The following MCC variants were observed in gnomAD, a reference collection of about 807,000 sequenced individuals.
The protein encoded by MCC is colorectal mutant cancer protein.
A neutral mutation model predicts 116.2 loss-of-function variants in MCC; 90 were observed. The ratio of observed to expected loss-of-function variants is 0.77; its 90% CI spans 0.65 to 0.92. The LOEUF is 0.92. Among genes scored for constraint, MCC ranks in the 40% least tolerant of loss-of-function variants. The pLI is 0.00. For synonymous variants in MCC, 578 were observed against 510.5 expected (o/e 1.13, Z -1.78); for missense variants, 1,516 against 1,312.2 (o/e 1.16, Z -2.40).
chr5:113,114,707 A>C (rs571019053), intron 6 of MCC, among the ~76,000 whole-genome samples: 2 of 152,146 alleles, frequency 1.3e-5, no homozygotes, highest in Non-Finnish European at 2.9e-5. Context: ...TTGACTTCAG[A>C]GCGATGGCTT....
intron 3 of MCC, among the ~76,000 whole-genome samples, chr5:113,161,567 A>C (rs1270065160): frequency 1.3e-5 from 2 of 151,982 alleles, no homozygotes; most frequent in Non-Finnish European, 2.9e-5. Context: ...CTAGATTTTA[A>C]TGGATTAAGG....
At chr5:113,183,923 C>T (rs532583659) in intron 3 of MCC, among the ~76,000 whole-genome samples, 59 of 151,578 alleles carry the variant, frequency 3.9e-4, no homozygotes, top group African/African-American at 1.2e-3. Context: ...CCCATCTTCA[C>T]AATTCCCCAT....
Position 113,104,194 on chromosome 5 carries a change from T to G in MCC, c.1189A>C (p.Lys397Gln). 6.2e-7 allele frequency: 1 copy of G among 1,609,836 alleles called. No homozygotes were observed. Among genetic ancestry groups the G allele is most frequent in the Non-Finnish European group, 8.5e-7 (1 of 1,177,310 alleles). Residue 397 changes from lysine to glutamine, a missense_variant and splice_region_variant, in exon 7 of 19, where the codon AAG becomes CAG. By Grantham distance (53) the Lys-to-Gln change is moderately conservative. Coordinates refer to ENST00000408903, the MANE Select transcript of MCC (RefSeq NM_001085377.2). ...TASEHCDLAI[K>Q]TVEEIEGVLG... ...CACAGAGGGTGAGGAAGGTCTACCTTAATAGCCAGGTCACAGTGCTCGCTG... is the reference window on the plus strand; with the variant it reads ...CACAGAGGGTGAGGAAGGTCTACCTGAATAGCCAGGTCACAGTGCTCGCTG...
intron 1 of MCC, among the ~76,000 whole-genome samples, chr5:113,417,381 C>T (rs1291002125): frequency 6.6e-6 from 1 of 152,164 alleles, no homozygotes; most frequent in Non-Finnish European, 1.5e-5. Context: ...AGCAGAGCTG[C>T]TTGTTACTAA....
chr5:113,083,156 T>C, intron 10 of MCC, 148 bp from the exon 11 acceptor site: 2 of 683,072 alleles, frequency 2.9e-6, no homozygotes, highest in East Asian at 2.8e-5. Context: ...TAGGATAGAA[T>C]CCTAGTATGA....
intron 15 of MCC, among the ~76,000 whole-genome samples, chr5:113,051,548 G>A (rs1191067856): frequency 1.3e-5 from 2 of 152,068 alleles, no homozygotes; most frequent in African/African-American, 2.4e-5. Context: ...GTGAGACCCT[G>A]TTTCTACAAA....
chr5:113,192,309 A>AAAG (rs1481487812), intron 3 of MCC, among the ~76,000 whole-genome samples: 12 of 152,226 alleles, frequency 7.9e-5, no homozygotes, highest in African/African-American at 2.4e-4. Context: ...TCCCTTCAGA[A>AAAG]AAGAACATTC....
rs572813136 is a variant in MCC at position 113,261,491 on chromosome 5, G to C, written c.627+79028C>G. On this transcript the variant is annotated intron_variant, in intron 3 of 18. Coordinates refer to ENST00000408903, the MANE Select transcript of MCC (RefSeq NM_001085377.2). ...CTTTTCCTGAACTTCTTCTGTATTA[G>C]ACAAAATAGCCATAAAACCAAACCC... is the stretch of plus-strand genomic sequence containing the variant. Among the ~76,000 whole-genome samples, 5 of 152,128 alleles carry C rather than the reference G, an allele frequency of 3.3e-5. No individual in the cohort carries two copies. In the East Asian group the frequency reaches 9.6e-4, roughly 29 times the overall value.
At chr5:113,429,323 A>ATT (rs2150410146) in intron 1 of MCC, among the ~76,000 whole-genome samples, 1 of 152,302 alleles carries the variant, frequency 6.6e-6, no homozygotes, top group Non-Finnish European at 1.5e-5. Flanking sequence ...GTGAGGGCAC[A>ATT]GGGAGAAGGT....
intron 3 of MCC, among the ~76,000 whole-genome samples, chr5:113,176,899 G>C (rs1380834187): frequency 1.3e-5 from 2 of 152,072 alleles, no homozygotes; most frequent in Non-Finnish European, 2.9e-5. Context: ...TAGATTGCAG[G>C]AACAGTGTCT....
intron 5 of MCC, among the ~76,000 whole-genome samples, chr5:113,141,381 A>G (rs532823334): frequency 5.9e-5 from 9 of 152,356 alleles, no homozygotes; most frequent in African/African-American, 2.2e-4. Context: ...GAAACTTCTC[A>G]GACTCCATAA....
At chr5:113,296,124 C>A (rs1197989996) in intron 3 of MCC, among the ~76,000 whole-genome samples, 1 of 152,114 alleles carries the variant, frequency 6.6e-6, no homozygotes, top group Non-Finnish European at 1.5e-5. Context: ...AGCACTGGGT[C>A]CCAAGTCCTT....
At chr5:113,054,058 A>G (rs889445462) in intron 14 of MCC, 99 bp from the exon 15 acceptor site, 1 of 806,102 alleles carries the variant, frequency 1.2e-6, no homozygotes, top group Non-Finnish European at 2.0e-6. Flanking sequence ...CCCTCTCCCC[A>G]GTGTTATTTA....
At chr5:113,176,092 G>A (rs144867695) in intron 3 of MCC, among the ~76,000 whole-genome samples, 2 of 152,276 alleles carry the variant, frequency 1.3e-5, no homozygotes, top group East Asian at 3.9e-4. Context: ...AAATTCAGGA[G>A]CTAATTCTAT....
rs1229213218 is a variant in MCC, at chr5:113,220,057, C to CTTTTTTTTTTTTTTTTTTTT, written c.628-68636_628-68635insAAAAAAAAAAAAAAAAAAAA. Among the ~76,000 whole-genome samples the CTTTTTTTTTTTTTTTTTTTT allele has an allele frequency of 2.5e-5, 2 of 79,496 alleles. 1 individual carries two copies. Among genetic ancestry groups the CTTTTTTTTTTTTTTTTTTTT allele is most frequent in the Non-Finnish European group, 7.0e-5 (2 of 28,694 alleles). The allele number at this position is 79,496 out of a possible 152,430, so 52.2% of individuals were successfully genotyped here. A position where few individuals can be genotyped will look rare whatever the true frequency, so the allele number is the denominator to read the frequency against. On this transcript the variant is annotated intron_variant, in intron 3 of 18. Coordinates refer to ENST00000408903, the MANE Select transcript of MCC (RefSeq NM_001085377.2). ...AACTTTGGAATCTGCATGTCAATTT[C>CTTTTTTTTTTTTTTTTTTTT]TTTTTCTTTTTTTTTTTTGAGACGG...
intron 1 of MCC, among the ~76,000 whole-genome samples, chr5:113,480,918 G>C (rs1228781386): frequency 1.3e-5 from 2 of 152,166 alleles, no homozygotes; most frequent in Admixed American, 6.5e-5. Flanking sequence ...AGTACTACAG[G>C]TGCAAGCTGC....
At chr5:113,371,773 A>T (rs925254878) in intron 2 of MCC, among the ~76,000 whole-genome samples, 1 of 152,226 alleles carries the variant, frequency 6.6e-6, no homozygotes, top group South Asian at 2.1e-4. Flanking sequence ...TCTCCAATGA[A>T]TTTGCATTAG....
intron 1 of MCC, among the ~76,000 whole-genome samples, chr5:113,407,149 C>T (rs1769857885): frequency 6.6e-6 from 1 of 152,128 alleles, no homozygotes; most frequent in Non-Finnish European, 1.5e-5. Context: ...TTATTGGACA[C>T]ATACTTTGTG....
At chr5:113,333,820 CATATATGTATATATGTATATATGT>C (rs776847278) in intron 3 of MCC, among the ~76,000 whole-genome samples, 8 of 85,572 alleles carry the variant, frequency 9.3e-5, no homozygotes, top group African/African-American at 4.2e-4. Flanking sequence ...TATATATGTA[CATATATGTATATATGTATATATGT>C]ATATATGTAC....
Sources: allele counts gnomAD v4.1 joint callset (sites outside exome capture counted in the v4.1 genomes callset), GRCh38; gene constraint gnomAD v4.1.1; transcripts MANE v1.5; gene names NCBI Gene and HGNC (gene_info 2026-07-23, HGNC 2026-07-21).